The following OSBPL1A variants were observed in gnomAD, a reference collection of about 807,000 sequenced individuals.
OSBPL1A encodes the protein oxysterol-binding protein-related protein 1.
In OSBPL1A, 80 loss-of-function variants were observed where a neutral mutation model predicts 137.1. The ratio of observed to expected loss-of-function variants is 0.58; its 90% CI spans 0.49 to 0.70. The LOEUF (loss-of-function observed/expected upper bound fraction) is 0.70, where lower values mean the gene tolerates loss of function less well. OSBPL1A is among the 30% of genes least tolerant of loss of function. The probability of loss-of-function intolerance (pLI) is 0.00; values close to 1 mark genes in which losing one functional copy is unlikely to be tolerated. For synonymous variants in OSBPL1A, 365 were observed against 389.7 expected, an observed-to-expected ratio of 0.94 and a Z score of 0.75; for missense variants, 970 against 1,129.4, an observed-to-expected ratio of 0.86 and a Z score of 2.02.
At chr18:24,272,230 T>TG in intron 15 of OSBPL1A, 2 of 982,180 alleles carry the variant, frequency 2.0e-6, no homozygotes, top group Non-Finnish European at 2.4e-6. Context: ...ACACCGGCCC[T>TG]GGCAACTTTT....
chr18:24,205,782 T>C lies in OSBPL1A; in HGVS notation c.1602-9582A>G, dbSNP rs191121143. On this transcript the variant is annotated intron_variant, in intron 17 of 27. Coordinates refer to ENST00000319481, the MANE Select transcript of OSBPL1A (RefSeq NM_080597.4). ...TTATTAAACAATTTTCATAACTACA[T>C]TAAGGTTTTCACAGAGAAAGAGGAA... Among the ~76,000 whole-genome samples the C allele has an allele frequency of 6.6e-3, 1,004 of 152,364 alleles. 8 individuals are homozygous for C. Among genetic ancestry groups the C allele is most frequent in the African/African-American group, 0.023 (956 of 41,584 alleles).
intron 1 of OSBPL1A, among the ~76,000 whole-genome samples, chr18:24,386,972 C>T (rs561748375): frequency 2.0e-5 from 3 of 151,692 alleles, no homozygotes; most frequent in South Asian, 2.1e-4. Context: ...CATATATATA[C>T]TTTTTTGAAA....
chr18:24,377,688 G>A, intron 1 of OSBPL1A, 153 bp from the exon 2 acceptor site: 1 of 772,964 alleles, frequency 1.3e-6, no homozygotes, highest in South Asian at 2.0e-5. Flanking sequence ...GTGAGAACTT[G>A]AGCCTGAGAC....
chr18:24,351,106 G>A (rs1252281845), intron 4 of OSBPL1A, among the ~76,000 whole-genome samples: 1 of 151,992 alleles, frequency 6.6e-6, no homozygotes, highest in African/African-American at 2.4e-5. Flanking sequence ...CCAGCACTTT[G>A]GGAGGCAAAA....
intron 15 of OSBPL1A, among the ~76,000 whole-genome samples, chr18:24,264,567 C>T (rs560557068): frequency 5.5e-4 from 84 of 152,102 alleles, no homozygotes; most frequent in Non-Finnish European, 9.9e-4. Flanking sequence ...TCCCAAAATG[C>T]GACTTCTACC....
intron 14 of OSBPL1A, among the ~76,000 whole-genome samples, chr18:24,287,283 C>T (rs888690041): frequency 1.3e-5 from 2 of 152,100 alleles, no homozygotes; most frequent in South Asian, 2.1e-4. Flanking sequence ...AAAACGGAGT[C>T]AATGAAGTAA....
chr18:24,251,087 CAGT>C (rs1441628821), intron 15 of OSBPL1A, among the ~76,000 whole-genome samples: 1 of 152,174 alleles, frequency 6.6e-6, no homozygotes, highest in East Asian at 1.9e-4. Flanking sequence ...AGCTTAGCCA[CAGT>C]AGAATAGGAC....
chr18:24,377,920 A>T (rs950292594), intron 1 of OSBPL1A, among the ~76,000 whole-genome samples: 1 of 152,218 alleles, frequency 6.6e-6, no homozygotes, highest in African/African-American at 2.4e-5. Context: ...AATTAGAGAT[A>T]AAGTCAAAGT....
chr18:24,175,813 G>A (rs1416112154), intron 21 of OSBPL1A, among the ~76,000 whole-genome samples: 1 of 152,116 alleles, frequency 6.6e-6, no homozygotes, highest in Non-Finnish European at 1.5e-5. Flanking sequence ...TTTGTAAAAG[G>A]CGTGAGGTCT....
intron 17 of OSBPL1A, among the ~76,000 whole-genome samples, chr18:24,220,082 A>G (rs889078747): frequency 6.6e-6 from 1 of 152,092 alleles, no homozygotes; most frequent in African/African-American, 2.4e-5. Context: ...GCTGGCTTTT[A>G]GTCCTCTGCT....
intron 14 of OSBPL1A, among the ~76,000 whole-genome samples, chr18:24,303,033 CTCTG>C (rs2090433038): frequency 6.6e-6 from 1 of 151,868 alleles, no homozygotes; most frequent in Non-Finnish European, 1.5e-5. Flanking sequence ...CAGAGTCTTG[CTCTG>C]TCGCCCAGGC....
chr18:24,199,623 C>T (rs937853511), intron 17 of OSBPL1A, among the ~76,000 whole-genome samples: 3 of 152,130 alleles, frequency 2.0e-5, no homozygotes, highest in Admixed American at 1.3e-4. Context: ...GGAATGTATA[C>T]GACCTATTAG....
chr18:24,196,146 G>C lies in OSBPL1A; in HGVS notation c.1656C>G (p.Ile552Met). 1.2e-6 allele frequency: 2 copies of C among 1,611,162 alleles called. No individual in the cohort carries two copies. Among genetic ancestry groups the C allele is most frequent in the South Asian group, 2.2e-5 (2 of 91,016 alleles). The part of the protein sequence containing the change: ...FSRNDFSIWS[I>M]LRKCIGMELS... ...TTACCATTCCAATACATTTTCTGAG[G>C]ATGCTCCAGATACTGAAGTCATTTC... is the stretch of plus-strand genomic sequence containing the variant. The change falls in exon 18 of 28, where the codon ATC becomes ATG. Residue 552 changes from isoleucine (I) to methionine (M), a missense_variant. Coordinates refer to ENST00000319481, the MANE Select transcript of OSBPL1A (RefSeq NM_080597.4).
At chr18:24,232,523 A>G (rs755472381) in intron 16 of OSBPL1A, among the ~76,000 whole-genome samples, 3 of 152,214 alleles carry the variant, frequency 2.0e-5, no homozygotes, top group South Asian at 2.1e-4. Flanking sequence ...GTAATGGAAC[A>G]TGAGGAGTTA....
chr18:24,281,038 C>T, intron 14 of OSBPL1A, 90 bp from the exon 15 acceptor site: 1 of 726,542 alleles, frequency 1.4e-6, no homozygotes, highest in Non-Finnish European at 2.1e-6. Flanking sequence ...ATCTATTAAC[C>T]TCATCTTTCC....
At position 24,178,308 on chromosome 18, in the gene OSBPL1A, T is replaced by C. The variant is rs574631352; in HGVS notation, c.1911-113A>G. 9.2e-5 allele frequency: 100 copies of C among 1,090,610 alleles called. 1 individual carries two copies. In the African/African-American group the frequency reaches 1.4e-3, roughly 16 times the overall value. 67.6% of individuals were successfully genotyped at this position (1,090,610 alleles called of 1,614,324 possible). A position where few individuals can be genotyped will look rare whatever the true frequency, so the allele number is the denominator to read the frequency against. On this transcript the variant is annotated intron_variant, in intron 20 of 27. Transcript: ENST00000319481. ...AAGTAAACAATTCTTTTGTTGTTGTTGTTGAGACAAAATCTTGCTCTGTCG... is the reference window on the plus strand; with the variant it reads ...AAGTAAACAATTCTTTTGTTGTTGTCGTTGAGACAAAATCTTGCTCTGTCG...
At chr18:24,349,671 G>A (rs1207225038) in intron 4 of OSBPL1A, among the ~76,000 whole-genome samples, 1 of 151,618 alleles carries the variant, frequency 6.6e-6, no homozygotes, top group Non-Finnish European at 1.5e-5. Context: ...ATGGCTGTGT[G>A]GCCATGATTT....
chr18:24,244,635 G>A (rs2088825958), intron 15 of OSBPL1A, among the ~76,000 whole-genome samples: 1 of 152,208 alleles, frequency 6.6e-6, no homozygotes, highest in South Asian at 2.1e-4. Context: ...AGCCTTTCCA[G>A]TAATCTGTCT....
At chr18:24,181,313 C>A in intron 18 of OSBPL1A, 34 bp from the exon 19 acceptor site, 1 of 1,602,790 alleles carries the variant, frequency 6.2e-7, no homozygotes. Flanking sequence ...TGTTATGTCC[C>A]ATATACATAA....
Sources: gnomAD v4.1 joint callset for allele counts (sites outside exome capture counted in the v4.1 genomes callset) on GRCh38, gnomAD v4.1.1 for gene constraint, MANE v1.5 for transcripts, NCBI Gene and HGNC (gene_info 2026-07-23, HGNC 2026-07-21) for gene names.